AGBL4: variants seen among roughly 807,000 people sequenced by gnomAD.
AGBL4 encodes AGBL carboxypeptidase 4.
In AGBL4, 58 loss-of-function variants were observed where a neutral mutation model predicts 66.4. The observed-to-expected ratio is 0.87, with a 90% CI of 0.71 to 1.09. AGBL4 has a LOEUF of 1.09. Among genes scored for constraint, AGBL4 ranks in the 50% least tolerant of loss-of-function variants. The probability of loss-of-function intolerance (pLI) is 0.00; values close to 1 mark genes in which losing one functional copy is unlikely to be tolerated. For synonymous variants in AGBL4, 234 were observed against 222.9 expected, an observed-to-expected ratio of 1.05 and a Z score of -0.44; for missense variants, 579 against 631.0, an observed-to-expected ratio of 0.92 and a Z score of 0.88.
chr1:49,789,181 G>C (rs1644532518), intron 2 of AGBL4, among the ~76,000 whole-genome samples: 1 of 152,186 alleles, frequency 6.6e-6, no homozygotes, highest in Admixed American at 6.5e-5. Context: ...TTGCATCCCA[G>C]GGATGAAGCT....
chr1:49,806,851 T>C (rs1571608831), intron 2 of AGBL4, among the ~76,000 whole-genome samples: 1 of 152,246 alleles, frequency 6.6e-6, no homozygotes, highest in Non-Finnish European at 1.5e-5. Flanking sequence ...AGCATTCTGG[T>C]GCAGCAGTCT....
intron 1 of AGBL4, among the ~76,000 whole-genome samples, chr1:49,993,197 T>C (rs1325866264): frequency 1.3e-5 from 2 of 152,212 alleles, no homozygotes; most frequent in Non-Finnish European, 2.9e-5. Flanking sequence ...ACAATAAGAT[T>C]AATTTCACCA....
downstream of AGBL4, among the ~76,000 whole-genome samples, chr1:48,532,559 C>T (rs78881560): frequency 0.011 from 1,713 of 152,218 alleles, 25 homozygotes; most frequent in African/African-American, 0.039. Flanking sequence ...TAGACTATTG[C>T]CTCTCTCATC....
intron 3 of AGBL4, among the ~76,000 whole-genome samples, chr1:49,390,901 G>C (rs1644831287): frequency 6.6e-6 from 1 of 152,162 alleles, no homozygotes; most frequent in African/African-American, 2.4e-5. Context: ...AGCTCATAGA[G>C]AATGGAAGAG....
intron 3 of AGBL4, among the ~76,000 whole-genome samples, chr1:49,441,241 T>C (rs1646022520): frequency 6.6e-6 from 1 of 152,170 alleles, no homozygotes; most frequent in South Asian, 2.1e-4. Context: ...AACAGAAATC[T>C]GGAGAACAGG....
intron 5 of AGBL4, among the ~76,000 whole-genome samples, chr1:49,001,074 A>C (rs2148991017): frequency 6.6e-6 from 1 of 152,316 alleles, no homozygotes; most frequent in Non-Finnish European, 1.5e-5. Flanking sequence ...AGTGGGACCA[A>C]ATTAGTGTAC....
chr1:48,656,580 T>A (rs553829479), intron 7 of AGBL4, among the ~76,000 whole-genome samples: 1 of 152,152 alleles, frequency 6.6e-6, no homozygotes, highest in South Asian at 2.1e-4. Context: ...AGAAGAGATA[T>A]TGGAAAGGGG....
At chr1:49,305,132 CCA>C (rs1553180673) in intron 3 of AGBL4, among the ~76,000 whole-genome samples, 1 of 152,108 alleles carries the variant, frequency 6.6e-6, no homozygotes, top group Non-Finnish European at 1.5e-5. Flanking sequence ...CAATCTGGCT[CCA>C]GTGTCAACAT....
At chr1:48,677,079 A>C (rs1646377777) in intron 6 of AGBL4, among the ~76,000 whole-genome samples, 1 of 152,156 alleles carries the variant, frequency 6.6e-6, no homozygotes. Flanking sequence ...GCTCAAGAGG[A>C]TCAGAAGCCC....
intron 3 of AGBL4, among the ~76,000 whole-genome samples, chr1:49,303,901 T>C (rs137959565): frequency 3.8e-4 from 58 of 152,302 alleles, no homozygotes; most frequent in Admixed American, 9.8e-4. Context: ...GATTGATAGA[T>C]TGCAAAAATT....
At chr1:49,460,770 A>T (rs951643127) in intron 3 of AGBL4, among the ~76,000 whole-genome samples, 4 of 151,642 alleles carry the variant, frequency 2.6e-5, no homozygotes, top group African/African-American at 9.7e-5. Context: ...AGTTCTTTTT[A>T]GCATTTCTTG....
chr1:48,678,828 C>T (rs552796707), intron 6 of AGBL4, among the ~76,000 whole-genome samples: 2 of 152,320 alleles, frequency 1.3e-5, no homozygotes, highest in Admixed American at 6.5e-5. Context: ...TTCCAGACAG[C>T]AATTTGCATT....
intron 4 of AGBL4, among the ~76,000 whole-genome samples, chr1:49,147,992 C>T (rs72683001): frequency 0.04 from 6,157 of 152,164 alleles, 197 homozygotes; most frequent in Non-Finnish European, 0.058. Flanking sequence ...CAAAAGGCAG[C>T]GAGATACAAT....
intron 6 of AGBL4, among the ~76,000 whole-genome samples, chr1:48,852,641 C>T (rs1647059052): frequency 1.3e-5 from 2 of 152,184 alleles, no homozygotes; most frequent in African/African-American, 4.8e-5. Flanking sequence ...CACACTTTCA[C>T]TACCAAAACA....
intron 6 of AGBL4, among the ~76,000 whole-genome samples, chr1:48,760,767 A>G (rs1032023898): frequency 6.6e-6 from 1 of 152,180 alleles, no homozygotes; most frequent in African/African-American, 2.4e-5. Context: ...TCAGGTATCT[A>G]CTGCACAGAA....
chr1:48,776,868 A>C, intron 6 of AGBL4: 69 of 1,285,064 alleles, frequency 5.4e-5, no homozygotes, highest in African/African-American at 6.6e-5. Context: ...CGGGCAGCTC[A>C]GCCCGCGGGG....
intron 5 of AGBL4, among the ~76,000 whole-genome samples, chr1:48,956,358 T>C (rs1283284310): frequency 1.3e-5 from 2 of 152,218 alleles, no homozygotes; most frequent in African/African-American, 2.4e-5. Context: ...CCAGTGCTAA[T>C]AGCAACAGAC....
chr1:48,751,496 T>C (rs1651724591), intron 6 of AGBL4, among the ~76,000 whole-genome samples: 1 of 152,228 alleles, frequency 6.6e-6, no homozygotes, highest in Admixed American at 6.5e-5. Flanking sequence ...TCAGGCAAGT[T>C]ACCTAATCTC....
chr1:49,600,692 T>G lies in AGBL4; in HGVS notation c.282+96621A>C, dbSNP rs186450414. Among the ~76,000 whole-genome samples the G allele has an allele frequency of 1.6e-3, 248 of 152,342 alleles. 2 individuals are homozygous for G. In the South Asian group the frequency reaches 0.021, roughly 13 times the overall value. ...TATTTTGCCTGTTAGTTGATGCAGT[T>G]TCTTCATAGTGTCGATGGTCTTTAC... On this transcript the variant is annotated intron_variant, in intron 3 of 13. Coordinates refer to ENST00000371839, the MANE Select transcript of AGBL4 (RefSeq NM_032785.4).
Sources: gnomAD v4.1 joint callset for allele counts (sites outside exome capture counted in the v4.1 genomes callset) on GRCh38, gnomAD v4.1.1 for gene constraint, MANE v1.5 for transcripts, NCBI Gene and HGNC (gene_info 2026-07-23, HGNC 2026-07-21) for gene names.